Variants in TG observed in about 807,000 individuals in gnomAD.
TG encodes the protein thyroglobulin, also known as thyroid hormones.
Under a neutral mutation model 324.7 loss-of-function variants are expected in TG, and 270 were observed. That is an observed-to-expected ratio of 0.83 (90% CI 0.75 to 0.92). The LOEUF (loss-of-function observed/expected upper bound fraction) is 0.92. TG is among the 40% of genes least tolerant of loss of function. TG has a pLI of 0.00. For synonymous variants in TG, 1,401 were observed against 1,327.0 expected (o/e 1.06, Z -1.21); for missense variants, 3,591 against 3,456.4 (o/e 1.04, Z -0.98).
chr8:133,000,190 A>G (rs1833318670), intron 35 of TG, among the ~76,000 whole-genome samples: 1 of 152,194 alleles, frequency 6.6e-6, no homozygotes, highest in South Asian at 2.1e-4. Context: ...GTTTGCAGCC[A>G]TTGGATGGCT....
rs539369935 is a variant in TG at position 132,969,347 on chromosome 8, T to G, written c.5864-111T>G. The G allele has an allele frequency of 6.4e-6, 5 of 786,148 alleles. No homozygotes were observed. In the African/African-American group the frequency reaches 6.9e-5, roughly 11 times the overall value. The allele number at this position is 786,148 out of a possible 1,614,324, so 48.7% of individuals were successfully genotyped here. A position where few individuals can be genotyped will look rare whatever the true frequency, so the allele number is the denominator to read the frequency against. On this transcript the variant is annotated intron_variant, in intron 31 of 47. Transcript: ENST00000220616. The stretch of plus-strand genomic sequence containing the variant: ...GAAATGAGGTTTAATATGAATTTAA[T>G]ATGTCATCTTTAATTGGAAACTTTC...
chr8:133,123,849 T>C (rs1429194469), intron 45 of TG, among the ~76,000 whole-genome samples: 1 of 152,248 alleles, frequency 6.6e-6, no homozygotes, highest in Non-Finnish European at 1.5e-5. Flanking sequence ...GTTGGTTTTC[T>C]CATCTGTGCA....
intron 45 of TG, among the ~76,000 whole-genome samples, chr8:133,118,320 C>CTTTTTTTTTTTTTT (rs34171048): frequency 3.4e-5 from 3 of 88,978 alleles, no homozygotes; most frequent in South Asian, 4.4e-4. Context: ...CAGATTCTTC[C>CTTTTTTTTTTTTTT]TTTTTTTTTT....
chr8:133,043,242 G>A (rs1838656966), intron 41 of TG, among the ~76,000 whole-genome samples: 1 of 152,060 alleles, frequency 6.6e-6, no homozygotes, highest in African/African-American at 2.4e-5. Flanking sequence ...CGGTATTTTT[G>A]GCCTGGTAGC....
intron 32 of TG, among the ~76,000 whole-genome samples, chr8:132,971,370 C>T (rs988407397): frequency 6.6e-6 from 1 of 152,216 alleles, no homozygotes; most frequent in African/African-American, 2.4e-5. Flanking sequence ...GTCACCCTGA[C>T]TGTAAGCCTA....
intron 5 of TG, among the ~76,000 whole-genome samples, chr8:132,881,628 T>G (rs188466119): frequency 0.039 from 5,986 of 152,282 alleles, 270 homozygotes; most frequent in African/African-American, 0.11. Context: ...CGGCTAATTG[T>G]TAGACGACAG....
Position 132,967,928 on chromosome 8 carries a change from C to T in TG, c.5821C>T (p.Leu1941=), listed in dbSNP as rs748061242. The change falls in exon 31 of 48, where the codon CTG becomes TTG. Residue 1941 remains leucine (L), a synonymous_variant. Transcript: ENST00000220616. ...IMESNAQGCR[L]ILPQMPKALF... ...GGAGTCCAATGCCCAGGGCTGCAGA[C>T]TGATCCTGCCTCAGATGCCAAAGGC... 3 of 1,613,906 alleles carry T rather than the reference C, an allele frequency of 1.9e-6. No homozygotes were observed. In the South Asian group the frequency reaches 3.3e-5, roughly 18 times the overall value.
At chr8:132,923,602 T>A in intron 22 of TG, 94 bp downstream of exon 22, 1 of 1,416,790 alleles carries the variant, frequency 7.1e-7, no homozygotes. Flanking sequence ...GAGGTGCATT[T>A]GTCTCCAACT....
At chr8:132,968,866 C>T (rs1251054425) in intron 31 of TG, among the ~76,000 whole-genome samples, 2 of 152,192 alleles carry the variant, frequency 1.3e-5, no homozygotes, top group African/African-American at 4.8e-5. Context: ...ATTCATTATG[C>T]AGGCTGACTT....
intron 41 of TG, among the ~76,000 whole-genome samples, chr8:133,090,886 C>T (rs1486632989): frequency 6.6e-6 from 1 of 152,142 alleles, no homozygotes; most frequent in Non-Finnish European, 1.5e-5. Flanking sequence ...CCCCCGGGAA[C>T]AGAAAGGAAC....
At chr8:133,124,495 T>C (rs565789310) in intron 45 of TG, among the ~76,000 whole-genome samples, 1 of 152,288 alleles carries the variant, frequency 6.6e-6, no homozygotes, top group South Asian at 2.1e-4. Context: ...CAACTAGAGT[T>C]TTAATCCCAT....
intron 29 of TG, among the ~76,000 whole-genome samples, chr8:132,963,820 G>C (rs28475483): frequency 0.073 from 11,095 of 151,902 alleles, 1,244 homozygotes; most frequent in African/African-American, 0.25. Flanking sequence ...AGGCAGCATG[G>C]TACAGGGGAA....
chr8:133,107,894 A>C (rs950907318), intron 43 of TG, among the ~76,000 whole-genome samples: 1 of 152,090 alleles, frequency 6.6e-6, no homozygotes, highest in Non-Finnish European at 1.5e-5. Context: ...TAGCACTCCT[A>C]AAAGCTCATC....
chr8:133,040,570 T>C (rs1383341548), intron 41 of TG, among the ~76,000 whole-genome samples: 2 of 152,116 alleles, frequency 1.3e-5, no homozygotes, highest in African/African-American at 2.4e-5. Flanking sequence ...GGTGTGAGAA[T>C]GGGGCTGCAT....
rs560294311 is a variant in TG at position 133,062,925 on chromosome 8, T to C, written c.7240-32119T>C. 2.0e-5 allele frequency among the ~76,000 whole-genome samples: 3 copies of C among 152,338 alleles called. No individual in the cohort carries two copies. In the East Asian group the frequency reaches 5.8e-4, roughly 29 times the overall value. ...ACGCACAGGCCTTGGGAAACACACA[T>C]GTGACATGCACAGGCTGTCCTGCAC... On this transcript the variant is annotated intron_variant, in intron 41 of 47. Coordinates refer to ENST00000220616, the MANE Select transcript of TG (RefSeq NM_003235.5).
In TG at chr8:132,882,611, A is replaced by G. The variant is rs140760999; in HGVS notation, c.888A>G (p.Arg296=). The G allele has an allele frequency of 9.3e-6, 15 of 1,614,090 alleles. No homozygotes were observed. Among genetic ancestry groups the G allele is most frequent in the African/African-American group, 1.3e-5 (1 of 74,926 alleles). The change falls in exon 7 of 48, where the codon CGA becomes CGG. Residue 296 remains arginine, a splice_region_variant and synonymous_variant. Transcript: ENST00000220616. ...AATCAGTCATCTCTGGCAGATTCCG[A>G]TGTAAGTAATAAACTGCCAACAATG... ...AVQSVISGRF[R]CPTKCEVERF...
At chr8:133,102,553 C>T (rs1280564513) in intron 43 of TG, 38 of 1,551,578 alleles carry the variant, frequency 2.4e-5, no homozygotes, top group Middle Eastern at 1.7e-4. Flanking sequence ...AGCAACCTAC[C>T]GGTGGAGCAT....
intron 1 of TG, 97 bp downstream of exon 1, chr8:132,867,164 T>G: frequency 2.7e-6 from 3 of 1,093,280 alleles, no homozygotes; most frequent in South Asian, 1.4e-5. Flanking sequence ...TCTAATTTAA[T>G]CTTCACAAAT....
At chr8:133,076,415 C>A (rs966537474) in intron 41 of TG, among the ~76,000 whole-genome samples, 1 of 152,236 alleles carries the variant, frequency 6.6e-6, no homozygotes, top group Non-Finnish European at 1.5e-5. Context: ...AGGCACTCTG[C>A]ACTAGAGAGA....
Sources: gnomAD v4.1 joint callset for allele counts (sites outside exome capture counted in the v4.1 genomes callset) on GRCh38, gnomAD v4.1.1 for gene constraint, MANE v1.5 for transcripts, NCBI Gene and HGNC (gene_info 2026-07-23, HGNC 2026-07-21) for gene names.